NTM: variants seen among roughly 807,000 people sequenced by gnomAD.
NTM encodes the protein neurotrimin, also known as IgLON family member 2.
NTM carries 13 observed loss-of-function variants against 42.1 expected under a neutral mutation model. The observed-to-expected ratio is 0.31, with a 90% CI of 0.20 to 0.49. The LOEUF is 0.49. Among genes scored for constraint, NTM ranks in the 20% least tolerant of loss-of-function variants. The probability of loss-of-function intolerance (pLI) is 0.99; values close to 1 mark genes in which losing one functional copy is unlikely to be tolerated. For missense variants in NTM, 373 were observed against 452.8 expected, an observed-to-expected ratio of 0.82 and a Z score of 1.60; for synonymous variants, 187 against 179.2, an observed-to-expected ratio of 1.04 and a Z score of -0.35.
chr11:131,686,682 C>T lies in NTM; in HGVS notation c.83-224882C>T, dbSNP rs138537950. ...CAAATCATGTTGTTCAAGGGTCAACCGCATCTGGTTCAGAAACTCCTCTAT... is the reference window on the plus strand; with the variant it reads ...CAAATCATGTTGTTCAAGGGTCAACTGCATCTGGTTCAGAAACTCCTCTAT... On this transcript the variant is annotated intron_variant, in intron 1 of 8. Transcript: ENST00000683400. Among the ~76,000 whole-genome samples, 324 of 152,310 alleles carry T rather than the reference C, an allele frequency of 2.1e-3. 1 individual carries two copies. Among genetic ancestry groups the T allele is most frequent in the African/African-American group, 7.1e-3 (297 of 41,556 alleles).
intron 1 of NTM, among the ~76,000 whole-genome samples, chr11:131,651,685 A>G (rs2134343602): frequency 6.6e-6 from 1 of 152,218 alleles, no homozygotes; most frequent in Non-Finnish European, 1.5e-5. Flanking sequence ...TACTAAAAAT[A>G]CAAAAATTAG....
At position 132,194,968 on chromosome 11, in the gene NTM, C is replaced by T. The variant is rs373093229; in HGVS notation, c.401-17054C>T. ...CTCTTGAGTAGCTGGGATTACAGGC[C>T]TGTGCCACCACGCCTGGCTAGTTTT... On this transcript the variant is annotated intron_variant, in intron 3 of 8. Coordinates refer to ENST00000683400, the MANE Select transcript of NTM (RefSeq NM_001352005.2). Among the ~76,000 whole-genome samples, 379 of 151,852 alleles carry T rather than the reference C, an allele frequency of 2.5e-3. 2 individuals carry two copies. The highest frequency in any genetic ancestry group is 0.023 in the South Asian group (110 of 4,804).
At chr11:131,615,465 A>G (rs2061833028) in intron 1 of NTM, among the ~76,000 whole-genome samples, 1 of 152,092 alleles carries the variant, frequency 6.6e-6, no homozygotes, top group African/African-American at 2.4e-5. Context: ...TCCCAGGTTC[A>G]AACAATTATC....
At chr11:131,438,821 C>T (rs1373799373) in intron 1 of NTM, among the ~76,000 whole-genome samples, 3 of 152,158 alleles carry the variant, frequency 2.0e-5, no homozygotes, top group Non-Finnish European at 4.4e-5. Context: ...AGCTTTGTTC[C>T]ATTGCTGGAG....
intron 1 of NTM, among the ~76,000 whole-genome samples, chr11:131,864,379 G>C (rs2046934436): frequency 1.3e-5 from 2 of 152,174 alleles, no homozygotes; most frequent in Non-Finnish European, 2.9e-5. Context: ...TAATAGGCAG[G>C]ATTGGTCCAG....
rs2080655930 is a variant in NTM at position 131,737,704 on chromosome 11, C to T, written c.83-173860C>T. Among the ~76,000 whole-genome samples the T allele has an allele frequency of 4.6e-5, 7 of 152,126 alleles. No homozygotes were observed. The South Asian group carries it at 1.5e-3, about 32-fold the overall frequency. On this transcript the variant is annotated intron_variant, in intron 1 of 8. Coordinates refer to ENST00000683400, the MANE Select transcript of NTM (RefSeq NM_001352005.2). ...GCCTCTGCCTTCTCGCCTAACCTTG[C>T]CTCTGCAAATATCTTCCGCTTGGAA... is the stretch of plus-strand genomic sequence containing the variant.
chr11:132,183,448 T>C (rs2077889155), intron 3 of NTM, among the ~76,000 whole-genome samples: 1 of 152,120 alleles, frequency 6.6e-6, no homozygotes, highest in Non-Finnish European at 1.5e-5. Flanking sequence ...GGTCATTTTT[T>C]TCTGAAGGAA....
chr11:131,675,262 C>T (rs925957330), intron 1 of NTM, among the ~76,000 whole-genome samples: 6 of 152,164 alleles, frequency 3.9e-5, no homozygotes, highest in Non-Finnish European at 7.3e-5. Context: ...CATCTGTTGT[C>T]GACTGGCTTT....
intron 3 of NTM, among the ~76,000 whole-genome samples, chr11:132,149,352 G>A (rs1408116638): frequency 2.0e-5 from 3 of 151,956 alleles, no homozygotes; most frequent in Non-Finnish European, 4.4e-5. Flanking sequence ...ATTCAGCCCT[G>A]AGCTTCTGGA....
intron 4 of NTM, among the ~76,000 whole-genome samples, chr11:132,261,796 T>C (rs1259936077): frequency 6.6e-6 from 1 of 152,192 alleles, no homozygotes; most frequent in Non-Finnish European, 1.5e-5. Flanking sequence ...GTATAAATAT[T>C]GTGAGTGGAG....
At chr11:132,221,180 G>A (rs900615703) in intron 4 of NTM, among the ~76,000 whole-genome samples, 5 of 152,244 alleles carry the variant, frequency 3.3e-5, no homozygotes, top group African/African-American at 1.2e-4. Flanking sequence ...GACCCATGAC[G>A]ACTGCCTTTC....
chr11:131,527,840 T>C (rs2050717923), intron 1 of NTM, among the ~76,000 whole-genome samples: 1 of 151,938 alleles, frequency 6.6e-6, no homozygotes, highest in Non-Finnish European at 1.5e-5. Flanking sequence ...ACAATCTGAC[T>C]CTTTGGTAGA....
At chr11:131,393,929 G>T (rs889682976) in intron 1 of NTM, among the ~76,000 whole-genome samples, 1 of 152,316 alleles carries the variant, frequency 6.6e-6, no homozygotes, top group Middle Eastern at 3.4e-3. Flanking sequence ...AATGTAAATG[G>T]CCAATGCAAG....
At chr11:131,512,434 G>A (rs1342880062) in intron 1 of NTM, among the ~76,000 whole-genome samples, 1 of 152,132 alleles carries the variant, frequency 6.6e-6, no homozygotes, top group Non-Finnish European at 1.5e-5. Context: ...ACCAGAGCCT[G>A]GAGACAGGCC....
At chr11:132,307,571 G>A (rs754063565) in intron 4 of NTM, 118 bp from the exon 5 acceptor site, 75 of 1,413,024 alleles carry the variant, frequency 5.3e-5, no homozygotes, top group Non-Finnish European at 6.7e-5. Context: ...CTCAGAATCT[G>A]AACTTACAAC....
At chr11:132,058,995 A>G in intron 2 of NTM, among the ~76,000 whole-genome samples, 1 of 152,372 alleles carries the variant, frequency 6.6e-6, no homozygotes, top group East Asian at 1.9e-4. Context: ...TCAAGCGTGC[A>G]AACTCTGTTT....
At chr11:131,911,164 C>T in intron 1 of NTM, 1 of 1,309,620 alleles carries the variant, frequency 7.6e-7, no homozygotes, top group Non-Finnish European at 9.8e-7. Context: ...GCTCCTGAGA[C>T]GCGCCCACAC....
chr11:131,725,546 A>G (rs2078859445), intron 1 of NTM, among the ~76,000 whole-genome samples: 1 of 152,100 alleles, frequency 6.6e-6, no homozygotes, highest in Non-Finnish European at 1.5e-5. Flanking sequence ...CAGGCAGAGG[A>G]GGCAGCCCCA....
At chr11:132,087,821 G>T (rs1033418000) in intron 2 of NTM, among the ~76,000 whole-genome samples, 2 of 152,238 alleles carry the variant, frequency 1.3e-5, no homozygotes, top group Non-Finnish European at 2.9e-5. Flanking sequence ...AACAGGGAGA[G>T]AAACTTTTGA....
Sources: gnomAD v4.1 joint callset for allele counts (sites outside exome capture counted in the v4.1 genomes callset) on GRCh38, gnomAD v4.1.1 for gene constraint, MANE v1.5 for transcripts, NCBI Gene and HGNC (gene_info 2026-07-23, HGNC 2026-07-21) for gene names.